The following IDI1 variants were observed in gnomAD, a reference collection of about 807,000 sequenced individuals.
IDI1 encodes the protein isopentenyl-diphosphate Delta-isomerase 1.
IDI1 carries 23 observed loss-of-function variants against 32.9 expected under a neutral mutation model. The observed-to-expected ratio is 0.70, with a 90% CI of 0.50 to 0.99. The LOEUF (loss-of-function observed/expected upper bound fraction) is 0.99, where lower values mean the gene tolerates loss of function less well. Among genes scored for constraint, IDI1 ranks in the 50% least tolerant of loss-of-function variants. The probability of loss-of-function intolerance (pLI) is 0.00; values close to 1 mark genes in which losing one functional copy is unlikely to be tolerated. For synonymous variants in IDI1, 133 were observed against 128.2 expected, an observed-to-expected ratio of 1.04 and a Z score of -0.25; for missense variants, 326 against 351.9, an observed-to-expected ratio of 0.93 and a Z score of 0.59.
At chr10:1,048,398 C>G in intron 1 of IDI1, 2 of 1,304,652 alleles carry the variant, frequency 1.5e-6, no homozygotes, top group Non-Finnish European at 2.0e-6. Flanking sequence ...CCCTCTTGCA[C>G]GGACGCAGGT....
At chr10:1,044,271 T>G in intron 1 of IDI1, 100 bp from the exon 2 acceptor site, 1 of 837,694 alleles carries the variant, frequency 1.2e-6, no homozygotes. Flanking sequence ...TCTGCAGTTG[T>G]ACCACTCTGC....
At position 1,048,894 on chromosome 10, in the gene IDI1, G is replaced by T. The variant is rs144091076; in HGVS notation, c.110C>A (p.Pro37Gln). 6.2e-7 allele frequency: 1 copy of T among 1,606,710 alleles called. No individual in the cohort carries two copies. Among genetic ancestry groups the T allele is most frequent in the East Asian group, 2.3e-5 (1 of 44,352 alleles). The change falls in exon 1 of 5, where the codon CCG becomes CAG. Residue 37 changes from proline to glutamine, a missense_variant. Transcript: ENST00000381344. ...DCAQSGRHPGPAVVCGRRLIS... is the reference protein window; with the variant it reads ...DCAQSGRHPGQAVVCGRRLIS... ...CAGCCTCCGGCCACAGACAACCGCC[G>T]GTCCCGGATGGCGCCCGCTTTGAGC... is the stretch of plus-strand genomic sequence containing the variant.
At chr10:1,046,557 C>T (rs80342679) in intron 1 of IDI1, among the ~76,000 whole-genome samples, 1 of 87,778 alleles carries the variant, frequency 1.1e-5, no homozygotes, top group African/African-American at 4.3e-5. Flanking sequence ...AGCTGCTCCA[C>T]TGTCTACACC....
intron 1 of IDI1, among the ~76,000 whole-genome samples, chr10:1,045,612 G>A (rs1490699709): frequency 1.3e-5 from 2 of 152,144 alleles, no homozygotes; most frequent in East Asian, 1.9e-4. Context: ...GACTACAGGC[G>A]TGCACCACCA....
intron 4 of IDI1, among the ~76,000 whole-genome samples, chr10:1,042,086 C>G (rs1049315078): frequency 6.6e-6 from 1 of 152,128 alleles, no homozygotes; most frequent in East Asian, 1.9e-4. Context: ...GGATTACAGG[C>G]GTGAGCCACC....
intron 4 of IDI1, 23 bp downstream of exon 4, chr10:1,042,609 G>A: frequency 6.2e-6 from 10 of 1,612,420 alleles, no homozygotes; most frequent in Non-Finnish European, 8.5e-6. Context: ...CAGCTTGTAT[G>A]GTTGTGTAGG....
chr10:1,053,750 G>A (rs1159330760), upstream of IDI1, among the ~76,000 whole-genome samples: 1 of 148,394 alleles, frequency 6.7e-6, no homozygotes, highest in East Asian at 2.0e-4. Context: ...TTTTTTTTGA[G>A]TCAGGGTCTT....
chr10:1,052,743 T>G (rs1833046465), upstream of IDI1, among the ~76,000 whole-genome samples: 1 of 152,190 alleles, frequency 6.6e-6, no homozygotes. Flanking sequence ...GCTTAAGGAC[T>G]CTAGGATTTT....
chr10:1,043,353 G>A lies in IDI1; in HGVS notation c.354C>T (p.Thr118=), dbSNP rs934439921. The A allele has an allele frequency of 3.7e-6, 6 of 1,610,772 alleles. No homozygotes were observed. Among genetic ancestry groups the A allele is most frequent in the African/African-American group, 1.3e-5 (1 of 74,924 alleles). The change falls in exon 3 of 5, where the codon ACC becomes ACT. Residue 118 remains threonine (T), a synonymous_variant. Transcript: ENST00000381344. The part of the protein sequence containing the change: ...HRAFSVFLFN[T]ENKLLLQQRS... ...TTTGCTGTAGCAGAAGCTTATTTTC[G>A]GTGTTGAATAAGAAGACACTAAAAG...
At chr10:1,053,686 C>T (rs1282980928), upstream of IDI1, among the ~76,000 whole-genome samples, 1 of 151,882 alleles carries the variant, frequency 6.6e-6, no homozygotes, top group African/African-American at 2.4e-5. Context: ...ATGTGCAACT[C>T]ATTCTTTTAT....
chr10:1,050,521 T>C (rs1016316344), upstream of IDI1, among the ~76,000 whole-genome samples: 2 of 152,224 alleles, frequency 1.3e-5, no homozygotes, highest in Non-Finnish European at 2.9e-5. Flanking sequence ...GCCAAAGTAT[T>C]CTAATATTAA....
At chr10:1,052,208 C>A (rs945280522), upstream of IDI1, among the ~76,000 whole-genome samples, 1 of 152,164 alleles carries the variant, frequency 6.6e-6, no homozygotes, top group Non-Finnish European at 1.5e-5. Context: ...CCTCTCAAAC[C>A]CTGCTGCTAC....
In IDI1 at chr10:1,041,349, C is replaced by T. The variant is rs1388097438; in HGVS notation, c.693G>A (p.Val231=). Reference sequence around the variant, plus strand: ...GAAGTTCTTTTAGTTCTTCCTTTGACACATAACAATAGCTTTTAATCTCAT... The same window carrying T: ...GAAGTTCTTTTAGTTCTTCCTTTGATACATAACAATAGCTTTTAATCTCAT... The part of the protein sequence containing the change: ...DPNEIKSYCY[V]SKEELKELLK... Residue 231 remains valine, a synonymous_variant, in exon 5 of 5, where the codon GTG becomes GTA. Coordinates refer to ENST00000381344, the MANE Select transcript of IDI1 (RefSeq NM_004508.4). The T allele has an allele frequency of 2.5e-6, 4 of 1,613,764 alleles. No homozygotes were observed. The highest frequency in any genetic ancestry group is 2.5e-6 in the Non-Finnish European group (3 of 1,179,772).
intron 1 of IDI1, 68 bp downstream of exon 1, chr10:1,048,796 C>T (rs1832883894): frequency 5.8e-6 from 9 of 1,561,142 alleles, no homozygotes; most frequent in African/African-American, 1.4e-5. Flanking sequence ...CTCCTCCCCG[C>T]CCCGTCCCGC....
At chr10:1,055,711 ACTTC>A in the IDI1 span, among the ~76,000 whole-genome samples, 1 of 126,840 alleles carries the variant, frequency 7.9e-6, no homozygotes, top group Non-Finnish European at 1.7e-5. Flanking sequence ...AAATAACTTC[ACTTC>A]TTTTTTTTTT....
chr10:1,043,269 AAC>A, intron 3 of IDI1, 30 bp downstream of exon 3: 2 of 1,282,394 alleles, frequency 1.6e-6, no homozygotes, highest in East Asian at 2.3e-5. Flanking sequence ...TTAATGTACA[AAC>A]ACAATATTGT....
upstream of IDI1, among the ~76,000 whole-genome samples, chr10:1,053,219 C>G (rs2131591329): frequency 6.6e-6 from 1 of 152,340 alleles, no homozygotes; most frequent in Admixed American, 6.5e-5. Flanking sequence ...CCAGGCTGGT[C>G]TTGAACTCCT....
upstream of IDI1, chr10:1,049,463 TCC>T (rs375618207): frequency 0.11 from 7,950 of 74,574 alleles, 554 homozygotes; most frequent in African/African-American, 0.23. Context: ...GGTTGGGCAC[TCC>T]CCCCCCTCCC....
Position 1,040,303 on chromosome 10 carries a change from G to T in IDI1, c.*884C>A, listed in dbSNP as rs1832522124. 6.6e-6 allele frequency: 1 copy of T among 152,206 alleles called. No homozygotes were observed. Among genetic ancestry groups the T allele is most frequent in the Non-Finnish European group, 1.5e-5 (1 of 68,074 alleles). The allele number at this position is 152,206 out of a possible 1,614,324, so 9.4% of individuals were successfully genotyped here. ...TGGGGGTTGACTCTGTCCCCTAGGG[G>T]CATCTGGCAACATCCGGCATAACTG... On this transcript the variant is annotated 3_prime_UTR_variant, in exon 5 of 5. Coordinates refer to ENST00000381344, the MANE Select transcript of IDI1 (RefSeq NM_004508.4).
Sources: gnomAD v4.1 joint callset for allele counts (sites outside exome capture counted in the v4.1 genomes callset) on GRCh38, gnomAD v4.1.1 for gene constraint, MANE v1.5 for transcripts, NCBI Gene and HGNC (gene_info 2026-07-23, HGNC 2026-07-21) for gene names.